The following MTUS2 variants were observed in gnomAD, a reference collection of about 807,000 sequenced individuals.
MTUS2 encodes the protein microtubule associated scaffold protein 2.
A neutral mutation model predicts 114.1 loss-of-function variants in MTUS2; 40 were observed. The observed-to-expected ratio is 0.35, with a 90% confidence interval of 0.27 to 0.46. MTUS2 has a LOEUF of 0.46. MTUS2 is among the 20% of genes least tolerant of loss of function. The probability of loss-of-function intolerance (pLI) is 1.00; values close to 1 mark genes in which losing one functional copy is unlikely to be tolerated. For missense variants in MTUS2, 1,679 were observed against 1,705.4 expected, an observed-to-expected ratio of 0.98 and a Z score of 0.27; for synonymous variants, 688 against 672.0, an observed-to-expected ratio of 1.02 and a Z score of -0.37.
intron 6 of MTUS2, among the ~76,000 whole-genome samples, chr13:29,299,084 A>G (rs1052826726): frequency 2.6e-5 from 4 of 152,238 alleles, no homozygotes; most frequent in African/African-American, 9.6e-5. Context: ...TTGTGGGAGA[A>G]TAATAAAGAT....
intron 8 of MTUS2, among the ~76,000 whole-genome samples, chr13:29,420,449 T>C (rs1876006092): frequency 6.6e-6 from 1 of 152,078 alleles, no homozygotes. Flanking sequence ...AGCTAATTTT[T>C]GTATTTTTAG....
intron 9 of MTUS2, among the ~76,000 whole-genome samples, chr13:29,462,773 A>C (rs1165707443): frequency 6.6e-6 from 1 of 151,924 alleles, no homozygotes; most frequent in Non-Finnish European, 1.5e-5. Context: ...TGAGAGAGAC[A>C]CCACCATTTG....
At chr13:29,299,924 C>G (rs920024560) in intron 6 of MTUS2, among the ~76,000 whole-genome samples, 1 of 151,862 alleles carries the variant, frequency 6.6e-6, no homozygotes, top group African/African-American at 2.4e-5. Context: ...TTTTACTGGG[C>G]AGTCCAGTAA....
At position 29,024,806 on chromosome 13, in the gene MTUS2, T is replaced by C. The variant is rs757386100; in HGVS notation, c.108T>C (p.Asn36=). ...GCATCTTAAGTCTGGGAGATACGAA[T>C]GCCAATCAAATCATGTTGGAGGTCA... ...NESILSLGDT[N]ANQIMLEVSS... is the part of the protein sequence containing the mutation. Residue 36 remains asparagine, a synonymous_variant, in exon 3 of 16, where the codon AAT becomes AAC. Transcript: ENST00000612955. The C allele has an allele frequency of 6.2e-7, 1 of 1,614,020 alleles. No homozygotes were observed. The highest frequency in any genetic ancestry group is 1.1e-5 in the South Asian group (1 of 91,086).
At chr13:28,951,386 A>G (rs1882801312) in intron 2 of MTUS2, among the ~76,000 whole-genome samples, 1 of 152,218 alleles carries the variant, frequency 6.6e-6, no homozygotes, top group African/African-American at 2.4e-5. Flanking sequence ...GCAACATTTT[A>G]TAGTCTTTCA....
chr13:28,975,882 T>G (rs576266309), intron 2 of MTUS2, among the ~76,000 whole-genome samples: 1 of 152,288 alleles, frequency 6.6e-6, no homozygotes, highest in South Asian at 2.1e-4. Flanking sequence ...AATGCAGGAT[T>G]CCTTCCCTCT....
At chr13:29,238,734 C>T (rs1896625901) in intron 5 of MTUS2, among the ~76,000 whole-genome samples, 1 of 152,184 alleles carries the variant, frequency 6.6e-6, no homozygotes, top group Non-Finnish European at 1.5e-5. Context: ...GCAACACCCT[C>T]ACAGACACAC....
At chr13:29,263,331 G>A (rs143249073) in intron 5 of MTUS2, among the ~76,000 whole-genome samples, 1 of 152,114 alleles carries the variant, frequency 6.6e-6, no homozygotes, top group Non-Finnish European at 1.5e-5. Flanking sequence ...TGTGGTCTCT[G>A]GTCTAGGGCT....
chr13:29,298,565 C>T (rs916829968), intron 6 of MTUS2, among the ~76,000 whole-genome samples: 4 of 152,042 alleles, frequency 2.6e-5, no homozygotes, highest in Non-Finnish European at 5.9e-5. Context: ...TTCGTCCAGT[C>T]CTCTCAAGTA....
intron 5 of MTUS2, among the ~76,000 whole-genome samples, chr13:29,250,736 GTC>G (rs762962448): frequency 7.8e-4 from 119 of 152,212 alleles, no homozygotes; most frequent in Non-Finnish European, 1.3e-3. Context: ...GTCACATCTA[GTC>G]TCTCAGGATA....
chr13:28,997,958 G>A lies in MTUS2; in HGVS notation c.-242-26499G>A, dbSNP rs1201923517. Among the ~76,000 whole-genome samples the A allele has an allele frequency of 5.9e-5, 9 of 152,134 alleles. No homozygotes were observed. The South Asian group carries it at 1.0e-3, about 18-fold the overall frequency. ...ATGATGTTAGCTGGTTATTTTGCTC[G>A]TTAGTTGATGCAGTTTCTTCTTAGC... On this transcript the variant is annotated intron_variant, in intron 2 of 15. Coordinates refer to ENST00000612955, the MANE Select transcript of MTUS2 (RefSeq NM_001033602.4).
chr13:28,932,654 A>G (rs1408367150), intron 2 of MTUS2, among the ~76,000 whole-genome samples: 1 of 152,162 alleles, frequency 6.6e-6, no homozygotes, highest in Non-Finnish European at 1.5e-5. Flanking sequence ...CCTGCAGGTG[A>G]GTGCAGCCTG....
intron 2 of MTUS2, among the ~76,000 whole-genome samples, chr13:29,003,576 C>T (rs1885475204): frequency 2.0e-5 from 3 of 152,230 alleles, no homozygotes; most frequent in African/African-American, 7.2e-5. Flanking sequence ...TCTAATTCGA[C>T]ATATCTAGTA....
At chr13:28,901,345 T>C (rs1879633229) in intron 2 of MTUS2, among the ~76,000 whole-genome samples, 1 of 152,236 alleles carries the variant, frequency 6.6e-6, no homozygotes, top group African/African-American at 2.4e-5. Flanking sequence ...CGTCTTTCAC[T>C]GAGCAAAACT....
chr13:29,405,372 C>G (rs1000886304), intron 8 of MTUS2, among the ~76,000 whole-genome samples: 1 of 152,138 alleles, frequency 6.6e-6, no homozygotes, highest in Non-Finnish European at 1.5e-5. Flanking sequence ...TCTTTACTAT[C>G]CAAATATGAT....
At chr13:29,266,207 C>T (rs1897662047) in intron 5 of MTUS2, among the ~76,000 whole-genome samples, 1 of 152,194 alleles carries the variant, frequency 6.6e-6, no homozygotes, top group African/African-American at 2.4e-5. Flanking sequence ...GCACTTTACT[C>T]TAATGACTCC....
At chr13:29,191,021 GTTACC>G (rs1415581059) in intron 5 of MTUS2, among the ~76,000 whole-genome samples, 1 of 152,118 alleles carries the variant, frequency 6.6e-6, no homozygotes, top group Non-Finnish European at 1.5e-5. Flanking sequence ...AGTGAGCGGC[GTTACC>G]TTACAGCTGC....
In MTUS2 at chr13:28,994,518, T is replaced by C. The variant is rs373991021; in HGVS notation, c.-242-29939T>C. Among the ~76,000 whole-genome samples, 161 of 152,266 alleles carry C rather than the reference T, an allele frequency of 1.1e-3. 1 individual carries two copies. In the South Asian group the frequency reaches 0.023, roughly 22 times the overall value. ...TTGAACTAGTTTACAGTCCCACCAA[T>C]GGTGTAAAAGTGTTCCTATTTCTCC... On this transcript the variant is annotated intron_variant, in intron 2 of 15. Coordinates refer to ENST00000612955, the MANE Select transcript of MTUS2 (RefSeq NM_001033602.4).
At chr13:29,089,939 C>T (rs561012331) in intron 4 of MTUS2, among the ~76,000 whole-genome samples, 2 of 152,194 alleles carry the variant, frequency 1.3e-5, no homozygotes, top group Admixed American at 1.3e-4. Flanking sequence ...TTAATTTCAG[C>T]CATTTCAAAC....
Sources: gnomAD v4.1 joint callset for allele counts (sites outside exome capture counted in the v4.1 genomes callset) on GRCh38, gnomAD v4.1.1 for gene constraint, MANE v1.5 for transcripts, NCBI Gene and HGNC (gene_info 2026-07-23, HGNC 2026-07-21) for gene names.